The following FAM161B variants were observed in gnomAD, a reference collection of about 807,000 sequenced individuals.
The protein encoded by FAM161B is FAM161 centrosomal protein B, also known as protein FAM161B.
In FAM161B, 46 loss-of-function variants were observed where a neutral mutation model predicts 61.5. That is an observed-to-expected ratio of 0.75 (90% CI 0.59 to 0.96). The LOEUF (loss-of-function observed/expected upper bound fraction) is 0.96. Among genes scored for constraint, FAM161B ranks in the 40% least tolerant of loss-of-function variants. The pLI is 0.00. For synonymous variants in FAM161B, 284 were observed against 302.7 expected (o/e 0.94, Z 0.64); for missense variants, 774 against 800.7 (o/e 0.97, Z 0.40).
rs780416761 is a variant in FAM161B, at chr14:73,936,073, C to A, written c.1681G>T (p.Glu561Ter). 18 of 1,608,720 alleles carry A rather than the reference C, an allele frequency of 1.1e-5. No individual in the cohort carries two copies. Among genetic ancestry groups the A allele is most frequent in the Non-Finnish European group, 1.5e-5 (18 of 1,177,394 alleles). ...EQVAKDLAKK[E>*]AEQWYLDTLK... ...GTGTCTAGATACCACTGTTCTGCTTCTTTCTTGGCTAGATCCTGTGGGATG... is the reference window on the plus strand; with the variant it reads ...GTGTCTAGATACCACTGTTCTGCTTATTTCTTGGCTAGATCCTGTGGGATG... The change falls in exon 8 of 9, where the codon GAA (glutamate) becomes TAA (stop). Residue 561 changes from glutamate to a stop codon, truncating the protein, a stop_gained. Transcript: ENST00000286544. LOFTEE classifies it high-confidence loss of function.
chr14:73,944,146 C>T (rs898099946), intron 3 of FAM161B, among the ~76,000 whole-genome samples, 189 bp downstream of exon 3: 3 of 152,172 alleles, frequency 2.0e-5, no homozygotes, highest in Admixed American at 6.5e-5. Flanking sequence ...ACTCCTGGCA[C>T]CATACAGGTC....
chr14:73,944,605 G>C lies in FAM161B; in HGVS notation c.655C>G (p.Gln219Glu). The change falls in exon 3 of 9, where the codon CAG becomes GAG. Residue 219 changes from glutamine (Q) to glutamate (E), a missense_variant. Physicochemically the swap from Gln to Glu is conservative, Grantham distance 29. Transcript: ENST00000286544. ...EAECHRQFRA[Q>E]PVPAHVYLPL... Reference sequence around the variant, plus strand: ...AGGTAGACATGTGCAGGCACAGGCTGTGCCCGGAACTGCCTGTGGCACTCG... The same window carrying C: ...AGGTAGACATGTGCAGGCACAGGCTCTGCCCGGAACTGCCTGTGGCACTCG... The C allele has an allele frequency of 6.2e-7, 1 of 1,614,070 alleles. No homozygotes were observed. Among genetic ancestry groups the C allele is most frequent in the Non-Finnish European group, 8.5e-7 (1 of 1,180,024 alleles).
intron 5 of FAM161B, among the ~76,000 whole-genome samples, chr14:73,940,134 C>T (rs908062736): frequency 6.6e-6 from 1 of 152,232 alleles, no homozygotes; most frequent in Non-Finnish European, 1.5e-5. Flanking sequence ...GACATTAGTC[C>T]TCTCCCTGGC....
chr14:73,944,616 T>A lies in FAM161B; in HGVS notation c.644A>T (p.Gln215Leu), dbSNP rs780507172. ...QGEEEAECHR[Q>L]FRAQPVPAHV... ...TGCAGGCACAGGCTGTGCCCGGAAC[T>A]GCCTGTGGCACTCGGCCTCTTCCTC... is the stretch of plus-strand genomic sequence containing the variant. Residue 215 changes from glutamine (Q) to leucine (L), a missense_variant, in exon 3 of 9, where the codon CAG becomes CTG. Physicochemically the swap from Gln to Leu is moderately radical, Grantham distance 113 (BLOSUM62 -2). Coordinates refer to ENST00000286544, the MANE Select transcript of FAM161B (RefSeq NM_152445.3). 6.8e-6 allele frequency: 11 copies of A among 1,613,936 alleles called. No individual in the cohort carries two copies. Among genetic ancestry groups the A allele is most frequent in the South Asian group, 6.6e-5 (6 of 91,086 alleles).
the FAM161B span, among the ~76,000 whole-genome samples, chr14:73,923,810 G>C: frequency 3.4e-4 from 52 of 152,176 alleles, no homozygotes; most frequent in African/African-American, 1.3e-3. Context: ...ACATGATACA[G>C]CTTTTATTTT....
At position 73,938,002 on chromosome 14, in the gene FAM161B, A is replaced by G. The variant is rs142556107; in HGVS notation, c.1511T>C (p.Met504Thr). Residue 504 changes from methionine (M) to threonine (T), a missense_variant, in exon 6 of 9, where the codon ATG becomes ACG. Physicochemically the swap from Met to Thr is moderately conservative, Grantham distance 81. Transcript: ENST00000286544. ...TTCCTCCAGGCTTTTATGGGGATCC[A>G]TGGCTTTTGCACGCAAGGTCACAGA... ...SKSVTLRAKA[M>T]DPHKSLEEVF... 2.0e-5 allele frequency: 32 copies of G among 1,614,212 alleles called. No homozygotes were observed. The African/African-American group carries it at 3.2e-4, about 16-fold the overall frequency.
At chr14:73,923,769 G>A in the FAM161B span, among the ~76,000 whole-genome samples, 1 of 152,164 alleles carries the variant, frequency 6.6e-6, no homozygotes, top group Admixed American at 6.6e-5. Context: ...CCTTGTTGAT[G>A]TCTGTTCCCA....
At chr14:73,924,626 T>C in the FAM161B span, 1 of 430,808 alleles carries the variant, frequency 2.3e-6, no homozygotes, top group Non-Finnish European at 4.6e-6. Context: ...GCTTGGATCC[T>C]TTCAGTATTA....
At chr14:73,943,530 G>A (rs1167974726) in intron 3 of FAM161B, among the ~76,000 whole-genome samples, 1 of 151,794 alleles carries the variant, frequency 6.6e-6, no homozygotes, top group Non-Finnish European at 1.5e-5. Flanking sequence ...CTCAGCCCTC[G>A]ACCTTTCCAT....
In FAM161B at chr14:73,942,714, T is replaced by A; in HGVS notation, c.927A>T (p.Glu309Asp). 3 of 1,610,392 alleles carry A rather than the reference T, an allele frequency of 1.9e-6. No homozygotes were observed. Among genetic ancestry groups the A allele is most frequent in the Non-Finnish European group, 2.5e-6 (3 of 1,177,384 alleles). ...LEPALGDKLQ[E>D]AELFRKIRIQ... ...TGCGAATTTTCCTGAAGAGCTCAGCTTCTGTGGAGAAAGGATGGTGATGGG... is the reference window on the plus strand; with the variant it reads ...TGCGAATTTTCCTGAAGAGCTCAGCATCTGTGGAGAAAGGATGGTGATGGG... The change falls in exon 4 of 9, where the codon GAA becomes GAT. Residue 309 changes from glutamate (E) to aspartate (D), a missense_variant and splice_region_variant. By Grantham distance (45) the Glu-to-Asp change is conservative. Transcript: ENST00000286544.
At position 73,934,447 on chromosome 14, in the gene FAM161B, G is replaced by A. The variant is rs2055954010; in HGVS notation, c.1806-53C>T. 14 of 1,542,570 alleles carry A rather than the reference G, an allele frequency of 9.1e-6. No homozygotes were observed. In the South Asian group the frequency reaches 1.7e-4, roughly 19 times the overall value. On this transcript the variant is annotated intron_variant, in intron 8 of 8. Coordinates refer to ENST00000286544, the MANE Select transcript of FAM161B (RefSeq NM_152445.3). ...CAAAAAAAATTTTTTTTTCAGACAGGGTCTCACTCTCACCCAGGCTGGAGT... is the reference window on the plus strand; with the variant it reads ...CAAAAAAAATTTTTTTTTCAGACAGAGTCTCACTCTCACCCAGGCTGGAGT...
rs559539147 is a variant in FAM161B, at chr14:73,948,249, G to T, written c.55-1644C>A. On this transcript the variant is annotated intron_variant, in intron 1 of 8. Coordinates refer to ENST00000286544, the MANE Select transcript of FAM161B (RefSeq NM_152445.3). ...CAACGGCAATACTTATTCAAAAGGT[G>T]AGAAGAATAAAGTAGGGTGGGTAAG... Among the ~76,000 whole-genome samples, 28 of 152,338 alleles carry T rather than the reference G, an allele frequency of 1.8e-4. 1 individual carries two copies. In the South Asian group the frequency reaches 5.2e-3, roughly 28 times the overall value.
chr14:73,935,255 C>T (rs979461318), intron 8 of FAM161B, among the ~76,000 whole-genome samples: 7 of 151,500 alleles, frequency 4.6e-5, no homozygotes, highest in African/African-American at 7.3e-5. Context: ...GGGCCGGGCG[C>T]GGTCACTCAC....
At chr14:73,940,675 T>TC (rs2056010346) in intron 5 of FAM161B, among the ~76,000 whole-genome samples, 1 of 152,188 alleles carries the variant, frequency 6.6e-6, no homozygotes, top group African/African-American at 2.4e-5. Flanking sequence ...AACTGGAGGT[T>TC]CCCTAAGATC....
At chr14:73,934,979 G>A (rs1566672282) in intron 8 of FAM161B, among the ~76,000 whole-genome samples, 1 of 151,804 alleles carries the variant, frequency 6.6e-6, no homozygotes, top group African/African-American at 2.4e-5. Context: ...CCCGGGAAGC[G>A]GAGACTGCAG....
At chr14:73,944,931 G>A (rs1029484328) in intron 2 of FAM161B, 46 bp from the exon 3 acceptor site, 7 of 1,450,664 alleles carry the variant, frequency 4.8e-6, no homozygotes, top group Non-Finnish European at 6.4e-6. Flanking sequence ...GCAGTCAGGA[G>A]GCCCTGCTCC....
chr14:73,931,442 G>C, downstream of FAM161B: 5 of 1,466,196 alleles, frequency 3.4e-6, no homozygotes, highest in Non-Finnish European at 4.7e-6. Flanking sequence ...TTTTTACTAT[G>C]AATTATTTTT....
chr14:73,946,307 A>G lies in FAM161B; in HGVS notation c.353T>C (p.Val118Ala). The G allele has an allele frequency of 6.2e-7, 1 of 1,613,998 alleles. No homozygotes were observed. Among genetic ancestry groups the G allele is most frequent in the Non-Finnish European group, 8.5e-7 (1 of 1,179,968 alleles). ...TTACCTCAGAGCCTGCGGGCACTGGACCTGCACCATCCCCCTGTCCTTGTC... is the reference window on the plus strand; with the variant it reads ...TTACCTCAGAGCCTGCGGGCACTGGGCCTGCACCATCCCCCTGTCCTTGTC... The part of the protein sequence containing the change: ...FQDKDRGMVQ[V>A]QCPQALRCGS... Residue 118 changes from valine to alanine, a missense_variant, in exon 2 of 9, where the codon GTC becomes GCC. Coordinates refer to ENST00000286544, the MANE Select transcript of FAM161B (RefSeq NM_152445.3).
rs140261943 is a variant in FAM161B at position 73,946,497 on chromosome 14, C to G, written c.163G>C (p.Glu55Gln). 5.2e-4 allele frequency: 836 copies of G among 1,614,182 alleles called. 4 individuals are homozygous for G. In the African/African-American group the frequency reaches 0.01, roughly 19 times the overall value. ...GAGTCAGAAGTAGAATCTATCTCCT[C>G]CTCTGGGCTGAGGAACTCGTCAAGT... The part of the protein sequence containing the change: ...SKLDEFLSPE[E>Q]EIDSTSDSTG... Residue 55 changes from glutamate to glutamine, a missense_variant, in exon 2 of 9, where the codon GAG becomes CAG. Transcript: ENST00000286544.
Sources: allele counts gnomAD v4.1 joint callset (sites outside exome capture counted in the v4.1 genomes callset), GRCh38; gene constraint gnomAD v4.1.1; transcripts MANE v1.5; gene names NCBI Gene and HGNC (gene_info 2026-07-23, HGNC 2026-07-21).